CNTN5: variants seen among roughly 807,000 people sequenced by gnomAD.
CNTN5 encodes the protein contactin 5.
Under a neutral mutation model 129.1 loss-of-function variants are expected in CNTN5, and 77 were observed. That is an observed-to-expected ratio of 0.60 (90% CI 0.50 to 0.72). The LOEUF (loss-of-function observed/expected upper bound fraction) is 0.72. Ranked by LOEUF, CNTN5 falls within the 30% of genes least tolerant of loss-of-function variation. The pLI is 0.00. For synonymous variants in CNTN5, 509 were observed against 465.6 expected (o/e 1.09, Z -1.20); for missense variants, 1,478 against 1,328.8 (o/e 1.11, Z -1.75).
At chr11:100,342,183 A>AC (rs71053115) in intron 23 of CNTN5, among the ~76,000 whole-genome samples, 1 of 150,772 alleles carries the variant, frequency 6.6e-6, no homozygotes, top group African/African-American at 2.4e-5. Context: ...ACACACACAC[A>AC]AGTCCATCAG....
chr11:100,087,500 A>C (rs1944598982), intron 13 of CNTN5, among the ~76,000 whole-genome samples: 1 of 151,876 alleles, frequency 6.6e-6, no homozygotes, highest in Non-Finnish European at 1.5e-5. Flanking sequence ...ACAATATGAG[A>C]AGTAAAAACA....
At chr11:99,814,044 G>T (rs1237868666) in intron 3 of CNTN5, among the ~76,000 whole-genome samples, 1 of 152,084 alleles carries the variant, frequency 6.6e-6, no homozygotes, top group South Asian at 2.1e-4. Context: ...ATTTAAAAGA[G>T]AACTTTTTAT....
At chr11:100,273,176 A>C (rs991739939) in intron 18 of CNTN5, among the ~76,000 whole-genome samples, 1 of 152,034 alleles carries the variant, frequency 6.6e-6, no homozygotes, top group Admixed American at 6.5e-5. Context: ...AGGCCTCACA[A>C]TAGCTTCTCC....
chr11:100,141,775 G>A (rs1462123919), intron 13 of CNTN5, among the ~76,000 whole-genome samples: 1 of 152,108 alleles, frequency 6.6e-6, no homozygotes, highest in Non-Finnish European at 1.5e-5. Flanking sequence ...GTAATTTATG[G>A]TAAGCTGAAA....
At chr11:99,313,233 C>A (rs1865192858) in intron 1 of CNTN5, among the ~76,000 whole-genome samples, 2 of 151,882 alleles carry the variant, frequency 1.3e-5, no homozygotes, top group African/African-American at 4.8e-5. Flanking sequence ...AAAATAACTT[C>A]ACAGATGTAC....
At chr11:99,776,659 C>A (rs924452318) in intron 3 of CNTN5, among the ~76,000 whole-genome samples, 8 of 151,574 alleles carry the variant, frequency 5.3e-5, no homozygotes, top group African/African-American at 1.5e-4. Flanking sequence ...TTTCAACTTT[C>A]AATGGCCTAG....
intron 16 of CNTN5, among the ~76,000 whole-genome samples, chr11:100,233,420 C>T (rs1483247171): frequency 1.3e-5 from 2 of 152,024 alleles, no homozygotes; most frequent in African/African-American, 4.8e-5. Context: ...ATTTGGTAGC[C>T]CAAGAAAGAA....
intron 15 of CNTN5, among the ~76,000 whole-genome samples, chr11:100,216,177 C>T (rs776765926): frequency 2.6e-5 from 4 of 152,046 alleles, no homozygotes; most frequent in African/African-American, 4.8e-5. Flanking sequence ...TCATACTCTC[C>T]GTGGCTGGGC....
chr11:99,717,750 C>T (rs1943026264), intron 3 of CNTN5, among the ~76,000 whole-genome samples: 2 of 151,972 alleles, frequency 1.3e-5, no homozygotes, highest in African/African-American at 4.8e-5. Flanking sequence ...AGGTGTTCTT[C>T]AAATGCATAT....
At chr11:99,127,773 A>G (rs564294239) in intron 1 of CNTN5, among the ~76,000 whole-genome samples, 1 of 152,120 alleles carries the variant, frequency 6.6e-6, no homozygotes, top group Non-Finnish European at 1.5e-5. Context: ...CTTACAAAGC[A>G]TTCCTTGACC....
At chr11:100,278,169 T>C (rs1451913877) in intron 18 of CNTN5, among the ~76,000 whole-genome samples, 1 of 152,096 alleles carries the variant, frequency 6.6e-6, no homozygotes, top group African/African-American at 2.4e-5. Context: ...CATTGGTCAA[T>C]GTGTCTGTTT....
At chr11:100,237,188 C>T (rs11822016) in intron 16 of CNTN5, among the ~76,000 whole-genome samples, 2,825 of 71,192 alleles carry the variant, frequency 0.04, 119 homozygotes, top group African/African-American at 0.13. Flanking sequence ...GACTCCGTCT[C>T]AAAAAAAAAA....
intron 1 of CNTN5, among the ~76,000 whole-genome samples, chr11:99,068,348 T>C (rs899128041): frequency 1.3e-5 from 2 of 152,100 alleles, no homozygotes; most frequent in African/African-American, 4.8e-5. Context: ...AGTATTTAAT[T>C]CCTCCCTGTG....
At chr11:99,035,446 G>T (rs2135112305) in intron 1 of CNTN5, among the ~76,000 whole-genome samples, 1 of 152,048 alleles carries the variant, frequency 6.6e-6, no homozygotes, top group South Asian at 2.1e-4. Context: ...TTATGAATCT[G>T]GGTGCTCCTG....
At chr11:99,142,241 C>T (rs544912224) in intron 1 of CNTN5, among the ~76,000 whole-genome samples, 1 of 152,094 alleles carries the variant, frequency 6.6e-6, no homozygotes, top group African/African-American at 2.4e-5. Flanking sequence ...TGGTGTGTGC[C>T]AGAAAAGCAC....
At chr11:99,991,291 C>T (rs537908160) in intron 8 of CNTN5, among the ~76,000 whole-genome samples, 1 of 152,102 alleles carries the variant, frequency 6.6e-6, no homozygotes, top group East Asian at 1.9e-4. Flanking sequence ...CACGGTGAAA[C>T]CCCGTCTCTA....
intron 1 of CNTN5, among the ~76,000 whole-genome samples, chr11:99,235,528 A>G (rs1364612319): frequency 6.6e-6 from 1 of 152,154 alleles, no homozygotes; most frequent in Admixed American, 6.5e-5. Context: ...TATTTTACAG[A>G]TGGCTCTGTA....
intron 2 of CNTN5, among the ~76,000 whole-genome samples, chr11:99,524,101 A>G (rs2135448794): frequency 6.6e-6 from 1 of 152,312 alleles, no homozygotes; most frequent in African/African-American, 2.4e-5. Flanking sequence ...AATGAAAATA[A>G]CTTTTCAGAA....
At chr11:99,873,429 A>T (rs1323987776) in intron 6 of CNTN5, among the ~76,000 whole-genome samples, 2 of 152,150 alleles carry the variant, frequency 1.3e-5, no homozygotes, top group Non-Finnish European at 2.9e-5. Flanking sequence ...TCACACACAA[A>T]AAAAGGAATA....
Sources: allele counts gnomAD v4.1 joint callset (sites outside exome capture counted in the v4.1 genomes callset), GRCh38; gene constraint gnomAD v4.1.1; transcripts MANE v1.5; gene names NCBI Gene and HGNC (gene_info 2026-07-23, HGNC 2026-07-21).